Variants in SLC25A39 observed in about 807,000 individuals in gnomAD.
The protein encoded by SLC25A39 is solute carrier family 25 member 39, also known as mitochondrial glutathione transporter SLC25A39.
In SLC25A39, 44 loss-of-function variants were observed where a neutral mutation model predicts 46.6. The ratio of observed to expected loss-of-function variants is 0.94; its 90% confidence interval spans 0.74 to 1.21. The LOEUF (loss-of-function observed/expected upper bound fraction) is 1.21, where lower values mean the gene tolerates loss of function less well. Among genes scored for constraint, SLC25A39 ranks in the 50% most tolerant of loss-of-function variants. The pLI is 0.00. For missense variants in SLC25A39, 487 were observed against 473.0 expected (o/e 1.03, Z -0.28); for synonymous variants, 218 against 190.6 (o/e 1.14, Z -1.19).
rs975306594 is a variant in SLC25A39 at position 44,324,726 on chromosome 17, T to G, written c.-31A>C. The G allele has an allele frequency of 6.6e-6, 1 of 152,156 alleles. No homozygotes were observed. The highest frequency in any genetic ancestry group is 2.4e-5 in the African/African-American group (1 of 41,428). 9.4% of individuals were successfully genotyped at this position (152,156 alleles called of 1,614,324 possible). On this transcript the variant is annotated 5_prime_UTR_variant, in exon 1 of 12. Coordinates refer to ENST00000377095, the MANE Select transcript of SLC25A39 (RefSeq NM_001143780.3). ...TGCCGCCTACCTGGCTCTAGGCTGG[T>G]GCTCGTGCGGCGCGGCGCCCAGGGT...
At chr17:44,323,599 G>A (rs1445658999) in intron 1 of SLC25A39, 22 bp from the exon 2 acceptor site, 1 of 1,507,572 alleles carries the variant, frequency 6.6e-7, no homozygotes, top group Non-Finnish European at 9.0e-7. Context: ...ACCTCAAACA[G>A]ACCACAACTC....
intron 9 of SLC25A39, 61 bp downstream of exon 9, chr17:44,320,561 A>G: frequency 6.3e-7 from 1 of 1,586,178 alleles, no homozygotes; most frequent in Middle Eastern, 1.9e-4. Context: ...CATCTCCAAA[A>G]ATCCTCAGGC....
chr17:44,322,121 C>T (rs867699852), intron 5 of SLC25A39, among the ~76,000 whole-genome samples: 1 of 152,128 alleles, frequency 6.6e-6, no homozygotes, highest in South Asian at 2.1e-4. Flanking sequence ...TGGTGGTGCA[C>T]GCTTGTAATC....
chr17:44,321,293 C>T (rs1460535779), intron 7 of SLC25A39, 62 bp from the exon 8 acceptor site: 2 of 1,579,320 alleles, frequency 1.3e-6, no homozygotes, highest in Non-Finnish European at 8.6e-7. Context: ...CATGGCATCA[C>T]CTACCTGCTG....
intron 1 of SLC25A39, chr17:44,324,389 T>G (rs1011552095): frequency 3.3e-5 from 5 of 152,152 alleles, no homozygotes; most frequent in African/African-American, 1.2e-4. Flanking sequence ...GCCCGTCGCC[T>G]CCTCAGGACT....
chr17:44,320,006 C>T lies in SLC25A39; in HGVS notation c.1075G>A (p.Gly359Ser), dbSNP rs142719822. The T allele has an allele frequency of 5.2e-5, 84 of 1,613,856 alleles. No individual in the cohort carries two copies. The South Asian group carries it at 5.8e-4, about 11-fold the overall frequency. The change falls in exon 12 of 12, where the codon GGC becomes AGC. Residue 359 changes from glycine to serine, a missense_variant. Gly to Ser is a moderately conservative substitution (Grantham distance 56, BLOSUM62 0). Coordinates refer to ENST00000377095, the MANE Select transcript of SLC25A39 (RefSeq NM_001143780.3). ...QRLNQDRLLG[G>S] ...TCCTTGCCTCCTTGCCCCTTTCAGC[C>T]GCCCAGAAGCCGGTCCTGGTTCAGC...
chr17:44,320,015 G>A lies in SLC25A39; in HGVS notation c.1066C>T (p.Leu356Phe), dbSNP rs758490900. ...SFFQRLNQDR[L>F]LGG ...CCTTGCCCCTTTCAGCCGCCCAGAA[G>A]CCGGTCCTGGTTCAGCCTCTGGAAG... The change falls in exon 12 of 12, where the codon CTT (leucine) becomes TTT (phenylalanine). Residue 356 changes from leucine (L) to phenylalanine (F), a missense_variant. Leu to Phe is a conservative substitution (Grantham distance 22). Transcript: ENST00000377095. 2 of 1,613,982 alleles carry A rather than the reference G, an allele frequency of 1.2e-6. No individual in the cohort carries two copies. The highest frequency in any genetic ancestry group is 1.7e-6 in the Non-Finnish European group (2 of 1,180,030).
In SLC25A39 at chr17:44,320,714, A is replaced by T. The variant is rs1369789044; in HGVS notation, c.709T>A (p.Tyr237Asn). 3 of 1,613,788 alleles carry T rather than the reference A, an allele frequency of 1.9e-6. No individual in the cohort carries two copies. In the African/African-American group the frequency reaches 4.0e-5, roughly 22 times the overall value. ...TTGAGCCAGCTCTTCACCAGCTCAT[A>T]GTTGAACCAGTACAGGGCTTGGGGT... ...VPFSALYWFNYELVKSWLNGF... is the reference protein window; with the variant it reads ...VPFSALYWFNNELVKSWLNGF... The change falls in exon 9 of 12, where the codon TAT (tyrosine) becomes AAT (asparagine). Residue 237 changes from tyrosine to asparagine, a missense_variant. Transcript: ENST00000377095.
rs374504068 is a variant in SLC25A39, at chr17:44,320,125, G to C, written c.965-9C>G. 6.2e-7 allele frequency: 1 copy of C among 1,614,034 alleles called. No homozygotes were observed. The highest frequency in any genetic ancestry group is 8.5e-7 in the Non-Finnish European group (1 of 1,179,996). The stretch of plus-strand genomic sequence containing the variant: ...GATCCGAGGAAGGAAGCCTGCAGTG[G>C]AAAGGAGGCCCGTGTCAGGGGTCAG... On this transcript the variant is annotated splice_polypyrimidine_tract_variant and intron_variant, in intron 11 of 11. Transcript: ENST00000377095.
chr17:44,321,044 G>A lies in SLC25A39; in HGVS notation c.691+14C>T, dbSNP rs2048013920. On this transcript the variant is annotated intron_variant, in intron 8 of 11. Coordinates refer to ENST00000377095, the MANE Select transcript of SLC25A39 (RefSeq NM_001143780.3). ...AGGGTTCCCTCACCCACCCCCTGCA[G>A]CTTGGGTGCCTACCTGAGAAGGGCA... is the stretch of plus-strand genomic sequence containing the variant. The A allele has an allele frequency of 1.3e-6, 2 of 1,574,730 alleles. No individual in the cohort carries two copies. The highest frequency in any genetic ancestry group is 1.2e-5 in the South Asian group (1 of 85,146).
intron 1 of SLC25A39, 134 bp from the exon 2 acceptor site, chr17:44,323,711 C>G: frequency 1.6e-6 from 1 of 640,578 alleles, no homozygotes; most frequent in Non-Finnish European, 2.7e-6. Context: ...GTGGCACCAT[C>G]TTGGCTCACT....
Position 44,322,427 on chromosome 17 carries a change from C to T in SLC25A39, c.316G>A (p.Gly106Ser). 6.2e-7 allele frequency: 1 copy of T among 1,614,140 alleles called. No individual in the cohort carries two copies. The highest frequency in any genetic ancestry group is 1.1e-5 in the South Asian group (1 of 91,086). Residue 106 changes from glycine (G) to serine (S), a missense_variant, in exon 5 of 12, where the codon GGC becomes AGC. By Grantham distance (56) the Gly-to-Ser change is moderately conservative. Transcript: ENST00000377095. Reference protein sequence around the residue: ...TWFQDPTRFTGTMDAFVKIVR... With the variant: ...TWFQDPTRFTSTMDAFVKIVR... ...ACCCAGCTGCTCCTCACCATGGTGC[C>T]AGTGAAGCGGGTAGGGTCTTGAAAC...
Position 44,320,085 on chromosome 17 carries a change from G to T in SLC25A39, c.996C>A (p.Pro332=), listed in dbSNP as rs930875770. 2.0e-5 allele frequency: 32 copies of T among 1,613,994 alleles called. 1 individual carries two copies. The highest frequency in any genetic ancestry group is 3.4e-6 in the Non-Finnish European group (4 of 1,180,036). Reference sequence around the variant, plus strand: ...AGGTGCTGATCATGATGGCACAGGAGGGGGCAGCCTTGATGATCCGAGGAA... The same window carrying T: ...AGGTGCTGATCATGATGGCACAGGATGGGGCAGCCTTGATGATCCGAGGAA... ...GFLPRIIKAA[P]SCAIMISTYE... is the part of the protein sequence containing the mutation. Residue 332 remains proline (P), a synonymous_variant, in exon 12 of 12, where the codon CCC becomes CCA. Transcript: ENST00000377095.
Position 44,324,792 on chromosome 17 carries a change from G to C in SLC25A39, c.-97C>G, listed in dbSNP as rs935559510. ...CGGCTCCGCCGCCTGTGCGCGGTCC[G>C]CGCGCGCTCGCAGCGCACCTAGGCC... On this transcript the variant is annotated 5_prime_UTR_variant, in exon 1 of 12. Coordinates refer to ENST00000377095, the MANE Select transcript of SLC25A39 (RefSeq NM_001143780.3). The C allele has an allele frequency of 3.3e-5, 5 of 152,130 alleles. No homozygotes were observed. The highest frequency in any genetic ancestry group is 9.6e-5 in the African/African-American group (4 of 41,536). 9.4% of individuals were successfully genotyped at this position (152,130 alleles called of 1,614,324 possible).
In SLC25A39 at chr17:44,322,817, A is replaced by C; in HGVS notation, c.181T>G (p.Tyr61Asp). 1.9e-6 allele frequency: 3 copies of C among 1,614,060 alleles called. 1 individual carries two copies. Among genetic ancestry groups the C allele is most frequent in the Non-Finnish European group, 2.5e-6 (3 of 1,179,964 alleles). The change falls in exon 4 of 12, where the codon TAT becomes GAT. Residue 61 changes from tyrosine (Y) to aspartate (D), a missense_variant. By Grantham distance (160) the Tyr-to-Asp change is radical. Transcript: ENST00000377095. ...GGCTTGGGGCACTCACATTTGGTAT[A>C]GGAGAGGCTCCACAGTCTGGAGGAA... ...MPSSRLWSLS[Y>D]TKLPSSLQST... is the part of the protein sequence containing the mutation.
chr17:44,321,657 C>T, intron 6 of SLC25A39, 43 bp downstream of exon 6: 5 of 1,607,112 alleles, frequency 3.1e-6, no homozygotes, highest in Non-Finnish European at 4.3e-6. Flanking sequence ...AGCAAAGGGT[C>T]AGGAAGTACC....
At chr17:44,324,498 G>A (rs558661603) in intron 1 of SLC25A39, 2 of 152,436 alleles carry the variant, frequency 1.3e-5, no homozygotes, top group African/African-American at 4.8e-5. Flanking sequence ...CAAAATGCAG[G>A]CCCGGGGCGC....
At chr17:44,320,333 C>T (rs1484164170) in intron 10 of SLC25A39, 22 bp downstream of exon 10, 1 of 1,613,532 alleles carries the variant, frequency 6.2e-7, no homozygotes, top group African/African-American at 1.3e-5. Context: ...CTGTCCCCTG[C>T]CACGGCAATC....
At chr17:44,322,894 C>A (rs377197857) in intron 3 of SLC25A39, 42 bp from the exon 4 acceptor site, 2 of 1,605,116 alleles carry the variant, frequency 1.2e-6, no homozygotes, top group African/African-American at 1.3e-5. Context: ...GAGCCCCCAC[C>A]CGCCCTAGGG....
Sources: allele counts gnomAD v4.1 joint callset (sites outside exome capture counted in the v4.1 genomes callset), GRCh38; gene constraint gnomAD v4.1.1; transcripts MANE v1.5; gene names NCBI Gene and HGNC (gene_info 2026-07-23, HGNC 2026-07-21).